MEAK7: variants seen among roughly 807,000 people sequenced by gnomAD.
MEAK7 encodes the protein MTOR associated protein MEAK7, also known as MTOR-associated protein MEAK7.
Under a neutral mutation model 40.5 loss-of-function variants are expected in MEAK7, and 68 were observed. The observed-to-expected ratio is 1.68, with a 90% CI of 1.38 to 2.06. The LOEUF (loss-of-function observed/expected upper bound fraction) is 2.06, where lower values mean the gene tolerates loss of function less well. Ranked by LOEUF, MEAK7 falls within the 30% of genes most tolerant of loss-of-function variation. The pLI is 0.00. For missense variants in MEAK7, 918 were observed against 580.5 expected (o/e 1.58, Z -5.98); for synonymous variants, 338 against 231.9 (o/e 1.46, Z -4.16).
intron 3 of MEAK7, among the ~76,000 whole-genome samples, chr16:84,491,232 G>C (rs2150636683): frequency 6.6e-6 from 1 of 152,280 alleles, no homozygotes. Flanking sequence ...TTGAGGTCAG[G>C]AGTTCGAGAC....
In MEAK7 at chr16:84,495,796, A is replaced by T. The variant is rs1913992931; in HGVS notation, c.271T>A (p.Phe91Ile). The T allele has an allele frequency of 2.5e-6, 4 of 1,613,982 alleles. No homozygotes were observed. The highest frequency in any genetic ancestry group is 2.5e-6 in the Non-Finnish European group (3 of 1,179,998). Residue 91 changes from phenylalanine to isoleucine, a missense_variant, in exon 3 of 8, where the codon TTC becomes ATC. Coordinates refer to ENST00000343629, the MANE Select transcript of MEAK7 (RefSeq NM_020947.4). ...AACAGGTGGGACATGGATGCTGTGA[A>T]CTGCTCCTGGGACACGTTCTCACTG... The part of the protein sequence containing the change: ...GPSENVSQEQ[F>I]TASMSHLLKG...
chr16:84,497,777 C>A, intron 2 of MEAK7, 157 bp downstream of exon 2: 5 of 1,316,938 alleles, frequency 3.8e-6, no homozygotes, highest in South Asian at 1.3e-5. Flanking sequence ...GCTCACAAAG[C>A]CAAAACTAGG....
chr16:84,486,617 A>G lies in MEAK7; in HGVS notation c.958+14T>C, dbSNP rs431629. The G allele has an allele frequency of 1.9e-6, 3 of 1,584,336 alleles. No individual in the cohort carries two copies. On this transcript the variant is annotated intron_variant, in intron 5 of 7. Transcript: ENST00000343629. ...GCTGTGCCACTCGTCAAGGTTCAGG[A>G]CACCAAGTCTTACCTTGAAACTGAG... is the stretch of plus-strand genomic sequence containing the variant.
Position 84,486,880 on chromosome 16 carries a change from C to G in MEAK7, c.709G>C (p.Asp237His). The G allele has an allele frequency of 1.2e-6, 2 of 1,614,166 alleles. No individual in the cohort carries two copies. Among genetic ancestry groups the G allele is most frequent in the Non-Finnish European group, 1.7e-6 (2 of 1,180,028 alleles). ...ATGCTCTCAAAACCCCTGCCCTGGTCCACTTGACGCTCAGGGACCAGGGTA... is the reference window on the plus strand; with the variant it reads ...ATGCTCTCAAAACCCCTGCCCTGGTGCACTTGACGCTCAGGGACCAGGGTA... ...LTTLVPERQV[D>H]QGRGFESILD... Residue 237 changes from aspartate to histidine, a missense_variant, in exon 5 of 8, where the codon GAC becomes CAC. Coordinates refer to ENST00000343629, the MANE Select transcript of MEAK7 (RefSeq NM_020947.4).
chr16:84,483,015 G>C (rs767444917), intron 5 of MEAK7, among the ~76,000 whole-genome samples: 1 of 152,198 alleles, frequency 6.6e-6, no homozygotes, highest in Non-Finnish European at 1.5e-5. Context: ...AAGCACATCC[G>C]AGCCAGAAAG....
chr16:84,496,511 G>A (rs992614215), intron 2 of MEAK7, among the ~76,000 whole-genome samples: 13 of 152,016 alleles, frequency 8.6e-5, no homozygotes, highest in East Asian at 1.9e-4. Context: ...GCCACTCCAC[G>A]TGTGTCCATG....
In MEAK7 at chr16:84,479,417, C is replaced by T. The variant is rs1912300611; in HGVS notation, c.*496G>A. The T allele has an allele frequency of 6.7e-6, 1 of 149,798 alleles. No individual in the cohort carries two copies. Among genetic ancestry groups the T allele is most frequent in the South Asian group, 2.2e-4 (1 of 4,638 alleles). 9.3% of individuals were successfully genotyped at this position (149,798 alleles called of 1,614,324 possible). On this transcript the variant is annotated 3_prime_UTR_variant, in exon 8 of 8. Coordinates refer to ENST00000343629, the MANE Select transcript of MEAK7 (RefSeq NM_020947.4). ...TAATGCCAGCGGAATTCCCTAATGC[C>T]AGCGGAATTCCCTAATGCCAGCGGA...
At chr16:84,492,810 G>C (rs1913736764) in intron 3 of MEAK7, among the ~76,000 whole-genome samples, 1 of 152,132 alleles carries the variant, frequency 6.6e-6, no homozygotes, top group Non-Finnish European at 1.5e-5. Context: ...TTGAACTCTT[G>C]ACCTCAGATA....
rs1912362407 is a variant in MEAK7, at chr16:84,479,915, A to C, written c.1369T>G (p.Ter457GlyextTer4). The change falls in exon 8 of 8, where the codon TGA (stop) becomes GGA (glycine). Residue 457 changes from the stop codon to glycine (G), a stop_lost. Transcript: ENST00000343629. ...TCCAGGAAGGCTCAGGCGGCTCCTC[A>C]TTCATCGTCCGGGACTTCCCGGAGC... ...EGLREVPDDE* is the reference protein window; with the variant it reads ...EGLREVPDDEG 6.3e-7 allele frequency: 1 copy of C among 1,594,494 alleles called. No individual in the cohort carries two copies. Among genetic ancestry groups the C allele is most frequent in the African/African-American group, 1.3e-5 (1 of 74,420 alleles).
rs568214793 is a variant in MEAK7 at position 84,497,890 on chromosome 16, C to A, written c.153+44G>T. On this transcript the variant is annotated intron_variant, in intron 2 of 7. Transcript: ENST00000343629. ...TGGCCTGAAAGCCACAGTTTGCAGACCCCTGCTCCCAACTAAACATGAACC... is the reference window on the plus strand; with the variant it reads ...TGGCCTGAAAGCCACAGTTTGCAGAACCCTGCTCCCAACTAAACATGAACC... 14 of 1,612,648 alleles carry A rather than the reference C, an allele frequency of 8.7e-6. No individual in the cohort carries two copies. In the East Asian group the frequency reaches 2.9e-4, roughly 33 times the overall value.
chr16:84,483,010 C>T (rs1369881719), intron 5 of MEAK7, among the ~76,000 whole-genome samples: 2 of 152,228 alleles, frequency 1.3e-5, no homozygotes, highest in Non-Finnish European at 2.9e-5. Flanking sequence ...TGGCCAAGCA[C>T]ATCCGAGCCA....
chr16:84,479,964 A>G lies in MEAK7; in HGVS notation c.1320T>C (p.Ser440=). 6.2e-7 allele frequency: 1 copy of G among 1,609,922 alleles called. No individual in the cohort carries two copies. Among genetic ancestry groups the G allele is most frequent in the Non-Finnish European group, 8.5e-7 (1 of 1,177,208 alleles). ...GCCCTTCGCTGTGGCGCGAATGCCCACTGATCTCCAGCAGGGCCTGGGCCT... is the reference window on the plus strand; with the variant it reads ...GCCCTTCGCTGTGGCGCGAATGCCCGCTGATCTCCAGCAGGGCCTGGGCCT... ...DPEAQALLEI[S]GHSRHSEGLR... Residue 440 remains serine, a synonymous_variant, in exon 8 of 8, where the codon AGT becomes AGC. Coordinates refer to ENST00000343629, the MANE Select transcript of MEAK7 (RefSeq NM_020947.4).
chr16:84,483,655 T>C (rs1912774563), intron 5 of MEAK7, among the ~76,000 whole-genome samples: 1 of 152,130 alleles, frequency 6.6e-6, no homozygotes, highest in Admixed American at 6.5e-5. Context: ...GCTCAGTCTG[T>C]AGAGTGTGGG....
intron 1 of MEAK7, 51 bp from the exon 2 acceptor site, chr16:84,498,162 A>G: frequency 6.6e-7 from 1 of 1,521,866 alleles, no homozygotes; most frequent in Non-Finnish European, 8.8e-7. Context: ...TAATAATCAC[A>G]GAAAATAAAT....
At position 84,497,425 on chromosome 16, in the gene MEAK7, T is replaced by C. The variant is rs942205233; in HGVS notation, c.153+509A>G. ...CTAGCCATCAAACACATACACATTCTAGAGGCAACGGTGCACCTGACACGT... is the reference window on the plus strand; with the variant it reads ...CTAGCCATCAAACACATACACATTCCAGAGGCAACGGTGCACCTGACACGT... On this transcript the variant is annotated intron_variant, in intron 2 of 7. Coordinates refer to ENST00000343629, the MANE Select transcript of MEAK7 (RefSeq NM_020947.4). 2.3e-6 allele frequency: 3 copies of C among 1,288,306 alleles called. No individual in the cohort carries two copies. The African/African-American group carries it at 4.6e-5, about 20-fold the overall frequency. The allele number at this position is 1,288,306 out of a possible 1,614,324, so 79.8% of individuals were successfully genotyped here.
rs778723649 is a variant in MEAK7, at chr16:84,480,678, G to C, written c.1108C>G (p.Leu370Val). 1 of 1,613,714 alleles carries C rather than the reference G, an allele frequency of 6.2e-7. No homozygotes were observed. The highest frequency in any genetic ancestry group is 8.5e-7 in the Non-Finnish European group (1 of 1,179,794). Residue 370 changes from leucine to valine, a missense_variant, in exon 7 of 8, where the codon CTT (leucine) becomes GTT (valine). By Grantham distance (32) the Leu-to-Val change is conservative. Transcript: ENST00000343629. ...GMGGQHNYFG[L>V]WVDVDFGKGH... is the part of the protein sequence containing the mutation. ...TTCCCAAAATCAACATCCACCCAAA[G>C]CCCAAAGTAATTGTGCTGCCCCCCC...
intron 3 of MEAK7, 100 bp from the exon 4 acceptor site, chr16:84,489,522 T>C (rs892157241): frequency 8.2e-6 from 11 of 1,342,370 alleles, no homozygotes; most frequent in Non-Finnish European, 1.1e-5. Flanking sequence ...ACACCAACTA[T>C]GATGGGCCAC....
intron 1 of MEAK7, among the ~76,000 whole-genome samples, chr16:84,501,295 T>C (rs2447906): frequency 0.92 from 140,354 of 151,980 alleles, 65,475 homozygotes; most frequent in East Asian, 1. Context: ...GCAAGAGCGT[T>C]GGGATCAGCG....
At chr16:84,502,846 G>C (rs910495549) in intron 1 of MEAK7, 5 of 152,144 alleles carry the variant, frequency 3.3e-5, no homozygotes, top group Non-Finnish European at 1.5e-5. Flanking sequence ...CTCCAGCCTG[G>C]GTGACAGAGC....
Sources: gnomAD v4.1 joint callset for allele counts (sites outside exome capture counted in the v4.1 genomes callset) on GRCh38, gnomAD v4.1.1 for gene constraint, MANE v1.5 for transcripts, NCBI Gene and HGNC (gene_info 2026-07-23, HGNC 2026-07-21) for gene names.